Variants in CAMTA1 observed in about 807,000 individuals in gnomAD.
The protein encoded by CAMTA1 is calmodulin-binding transcription activator 1.
In CAMTA1, 27 loss-of-function variants were observed where a neutral mutation model predicts 170.9. The ratio of observed to expected loss-of-function variants is 0.16; its 90% CI spans 0.12 to 0.22. The LOEUF is 0.22. Ranked by LOEUF, CAMTA1 falls within the 10% of genes least tolerant of loss-of-function variation. The pLI, the probability that CAMTA1 is intolerant of heterozygous loss-of-function variation, is 1.00. For synonymous variants in CAMTA1, 833 were observed against 891.5 expected, an observed-to-expected ratio of 0.93 and a Z score of 1.17; for missense variants, 1,619 against 2,217.2, an observed-to-expected ratio of 0.73 and a Z score of 5.42.
chr1:7,508,733 G>A (rs1431374339), intron 6 of CAMTA1, among the ~76,000 whole-genome samples: 1 of 152,014 alleles, frequency 6.6e-6, no homozygotes, highest in African/African-American at 2.4e-5. Flanking sequence ...GTGGAGGGAG[G>A]GAAGGGAGGG....
At chr1:7,623,978 G>A (rs757487460) in intron 6 of CAMTA1, among the ~76,000 whole-genome samples, 3 of 152,222 alleles carry the variant, frequency 2.0e-5, no homozygotes, top group Non-Finnish European at 4.4e-5. Flanking sequence ...ACGCAAAATA[G>A]AACATTTTGA....
At chr1:7,324,299 G>C (rs1207714131) in intron 5 of CAMTA1, among the ~76,000 whole-genome samples, 1 of 151,960 alleles carries the variant, frequency 6.6e-6, no homozygotes, top group Admixed American at 6.5e-5. Context: ...CTTTTGCTTA[G>C]TATTTGATCT....
At chr1:6,879,659 A>G (rs75925564) in intron 3 of CAMTA1, among the ~76,000 whole-genome samples, 1,582 of 146,072 alleles carry the variant, frequency 0.011, 36 homozygotes, top group African/African-American at 0.038. Context: ...TGTCACCCAG[A>G]TGAAGAACCC....
At chr1:6,894,037 T>C (rs1330917343) in intron 3 of CAMTA1, among the ~76,000 whole-genome samples, 2 of 152,256 alleles carry the variant, frequency 1.3e-5, no homozygotes, top group Non-Finnish European at 2.9e-5. Context: ...CTGTGGGATT[T>C]AAATGCTGAA....
intron 3 of CAMTA1, among the ~76,000 whole-genome samples, chr1:7,045,002 A>G (rs1705146101): frequency 6.6e-6 from 1 of 152,026 alleles, no homozygotes; most frequent in Non-Finnish European, 1.5e-5. Context: ...AATCTCTTCA[A>G]TTGTTGAGAC....
chr1:7,508,154 A>T (rs1232584311), intron 6 of CAMTA1, among the ~76,000 whole-genome samples: 1 of 152,220 alleles, frequency 6.6e-6, no homozygotes, highest in Non-Finnish European at 1.5e-5. Context: ...TGGAGCCCAG[A>T]GAGGTGGAGC....
In CAMTA1 at chr1:7,593,711, G is replaced by A. The variant is rs187858672; in HGVS notation, c.511-46689G>A. 3.0e-3 allele frequency among the ~76,000 whole-genome samples: 456 copies of A among 150,314 alleles called. 3 individuals are homozygous for A. Among genetic ancestry groups the A allele is most frequent in the African/African-American group, 1.0e-2 (410 of 41,014 alleles). On this transcript the variant is annotated intron_variant, in intron 6 of 22. Transcript: ENST00000303635. ...TCACCATGTTGGCCAGGCTAGTCTCGAACTCCTGACCTCCAGTGATCCACC... is the reference window on the plus strand; with the variant it reads ...TCACCATGTTGGCCAGGCTAGTCTCAAACTCCTGACCTCCAGTGATCCACC...
intron 5 of CAMTA1, among the ~76,000 whole-genome samples, chr1:7,309,891 A>T (rs1306221823): frequency 1.3e-5 from 2 of 151,766 alleles, no homozygotes; most frequent in African/African-American, 2.4e-5. Context: ...TATATATATA[A>T]AACCCCAGTA....
chr1:6,871,211 CT>C (rs200488465), intron 3 of CAMTA1, among the ~76,000 whole-genome samples: 2,617 of 152,014 alleles, frequency 0.017, 95 homozygotes, highest in African/African-American at 0.06. Context: ...CTTAAAATGT[CT>C]TTTTTTTCCC....
At chr1:7,193,563 G>A (rs1482711909) in intron 4 of CAMTA1, among the ~76,000 whole-genome samples, 1 of 151,880 alleles carries the variant, frequency 6.6e-6, no homozygotes, top group East Asian at 2.0e-4. Context: ...GAGGGGAGGG[G>A]ATGGGATAGT....
In CAMTA1 at chr1:6,970,783, C is replaced by T. The variant is rs1242580286; in HGVS notation, c.235-120521C>T. On this transcript the variant is annotated intron_variant, in intron 3 of 22. Transcript: ENST00000303635. This position sits in a 1 kb window ranked among gnomAD's most constrained non-coding sequence, Gnocchi z 4.4. ...CAGTGGAGATCTGAAGATAACCTGG[C>T]AAAAGGAGACAGATGGAGAACAGAA... Among the ~76,000 whole-genome samples, 1 of 151,870 alleles carries T rather than the reference C, an allele frequency of 6.6e-6. No individual in the cohort carries two copies. Among genetic ancestry groups the T allele is most frequent in the Non-Finnish European group, 1.5e-5 (1 of 67,950 alleles).
intron 5 of CAMTA1, among the ~76,000 whole-genome samples, chr1:7,379,764 C>T (rs558370162): frequency 1.2e-4 from 19 of 152,320 alleles, no homozygotes; most frequent in African/African-American, 4.6e-4. Context: ...TCTGACACCT[C>T]GCTTTGATCT....
intron 6 of CAMTA1, among the ~76,000 whole-genome samples, chr1:7,488,160 C>A (rs923394994): frequency 2.6e-5 from 4 of 152,224 alleles, no homozygotes; most frequent in African/African-American, 9.6e-5. Flanking sequence ...CCTCTAGAAT[C>A]TCTCTGCAAT....
At chr1:6,997,818 G>A (rs555332886) in intron 3 of CAMTA1, among the ~76,000 whole-genome samples, 1 of 150,620 alleles carries the variant, frequency 6.6e-6, no homozygotes, top group East Asian at 2.0e-4. Context: ...GCACCACCAC[G>A]CCTGGCTAGT....
At chr1:7,053,953 G>A (rs553741323) in intron 3 of CAMTA1, among the ~76,000 whole-genome samples, 8 of 152,170 alleles carry the variant, frequency 5.3e-5, no homozygotes, top group African/African-American at 1.9e-4. Context: ...ACCCATCCTG[G>A]CCTGCCCTTG....
In CAMTA1 at chr1:7,199,521, A is replaced by G. The variant is rs559645804; in HGVS notation, c.303-49970A>G. ...CCCCATGTCCTGTGCCTGGTGCACA[A>G]CCCCCTTCCCCTGTCCTTCTCCGAA... On this transcript the variant is annotated intron_variant, in intron 4 of 22. Transcript: ENST00000303635. Among the ~76,000 whole-genome samples, 13 of 151,840 alleles carry G rather than the reference A, an allele frequency of 8.6e-5. No individual in the cohort carries two copies. The East Asian group carries it at 2.3e-3, about 27-fold the overall frequency.
intron 6 of CAMTA1, among the ~76,000 whole-genome samples, chr1:7,624,807 G>A (rs1187930673): frequency 6.6e-6 from 1 of 152,254 alleles, no homozygotes; most frequent in Non-Finnish European, 1.5e-5. Flanking sequence ...TCAGTGGAAA[G>A]AGTGAGGCTG....
chr1:7,154,020 T>G, intron 4 of CAMTA1, among the ~76,000 whole-genome samples: 1 of 152,278 alleles, frequency 6.6e-6, no homozygotes, highest in East Asian at 1.9e-4. Flanking sequence ...TGTGTGTACC[T>G]GGGGACAGTG....
At chr1:7,056,367 A>T (rs1208490568) in intron 3 of CAMTA1, among the ~76,000 whole-genome samples, 1 of 152,184 alleles carries the variant, frequency 6.6e-6, no homozygotes, top group Non-Finnish European at 1.5e-5. Context: ...CCACGAGAAG[A>T]TGCAGCCCCC....
Sources: allele counts gnomAD v4.1 joint callset (sites outside exome capture counted in the v4.1 genomes callset), GRCh38; gene constraint gnomAD v4.1.1; non-coding constraint Gnocchi (gnomAD v3.1); transcripts MANE v1.5; gene names NCBI Gene and HGNC (gene_info 2026-07-23, HGNC 2026-07-21).